The following ISM1 variants were observed in gnomAD, a reference collection of about 807,000 sequenced individuals.
The protein encoded by ISM1 is isthmin 1.
ISM1 carries 25 observed loss-of-function variants against 46.3 expected under a neutral mutation model. The ratio of observed to expected loss-of-function variants is 0.54; its 90% CI spans 0.39 to 0.75. The LOEUF (loss-of-function observed/expected upper bound fraction) is 0.75, where lower values mean the gene tolerates loss of function less well. Among genes scored for constraint, ISM1 ranks in the 30% least tolerant of loss-of-function variants. The pLI is 0.00. For synonymous variants in ISM1, 255 were observed against 256.7 expected, an observed-to-expected ratio of 0.99 and a Z score of 0.06; for missense variants, 536 against 625.4, an observed-to-expected ratio of 0.86 and a Z score of 1.52.
At chr20:13,311,715 A>C in the ISM1 span, among the ~76,000 whole-genome samples, 1 of 152,220 alleles carries the variant, frequency 6.6e-6, no homozygotes, top group Non-Finnish European at 1.5e-5. Flanking sequence ...GATCTCACTT[A>C]TATGTGGAAT....
chr20:13,322,174 C>A, the ISM1 span, among the ~76,000 whole-genome samples: 1 of 152,224 alleles, frequency 6.6e-6, no homozygotes, highest in African/African-American at 2.4e-5. Flanking sequence ...AAGCTGCAAC[C>A]TAGCCTAGAT....
chr20:13,318,853 T>C, the ISM1 span, among the ~76,000 whole-genome samples: 1 of 152,214 alleles, frequency 6.6e-6, no homozygotes, highest in East Asian at 1.9e-4. Context: ...AAAAGATCAA[T>C]GGTTGCCAGG....
chr20:13,318,394 G>A, the ISM1 span, among the ~76,000 whole-genome samples: 9 of 152,146 alleles, frequency 5.9e-5, no homozygotes, highest in East Asian at 1.9e-4. Context: ...TCAAAATGGC[G>A]TGACCACTTT....
chr20:13,232,018 T>G (rs1339244698), intron 1 of ISM1, among the ~76,000 whole-genome samples: 1 of 152,174 alleles, frequency 6.6e-6, no homozygotes, highest in Non-Finnish European at 1.5e-5. Context: ...GTTAACTTCC[T>G]CCCATAAGCA....
rs185538872 is a variant in ISM1 at position 13,246,821 on chromosome 20, T to G, written c.139-23683T>G. ...TGTAAAACCACCTGACTGAACTTGG[T>G]TTTTAATAAAGCAATTTAGAGTCAC... On this transcript the variant is annotated intron_variant, in intron 1 of 5. Transcript: ENST00000262487. 2.8e-4 allele frequency among the ~76,000 whole-genome samples: 43 copies of G among 152,348 alleles called. No homozygotes were observed. The East Asian group carries it at 6.0e-3, about 21-fold the overall frequency.
chr20:13,226,440 G>A (rs2039526058), intron 1 of ISM1, among the ~76,000 whole-genome samples: 1 of 151,960 alleles, frequency 6.6e-6, no homozygotes, highest in South Asian at 2.1e-4. Flanking sequence ...ATTGACAATT[G>A]TTTCACTTAG....
intron 3 of ISM1, among the ~76,000 whole-genome samples, chr20:13,284,382 T>G (rs2040269160): frequency 6.6e-6 from 1 of 152,172 alleles, no homozygotes; most frequent in Admixed American, 6.5e-5. Context: ...ATTTCCTCCT[T>G]GAGTTATTTG....
chr20:13,302,141 T>A (rs993279275), downstream of ISM1, among the ~76,000 whole-genome samples: 1 of 152,126 alleles, frequency 6.6e-6, no homozygotes, highest in Non-Finnish European at 1.5e-5. Context: ...TAGAGTGAAA[T>A]CTCAAAGAGA....
At chr20:13,276,193 C>G (rs1475933067) in intron 2 of ISM1, among the ~76,000 whole-genome samples, 1 of 152,178 alleles carries the variant, frequency 6.6e-6, no homozygotes, top group African/African-American at 2.4e-5. Flanking sequence ...TGGAAAATAC[C>G]TGCCCACTCC....
At chr20:13,286,598 G>A (rs1036971897) in intron 3 of ISM1, among the ~76,000 whole-genome samples, 2 of 152,202 alleles carry the variant, frequency 1.3e-5, no homozygotes, top group African/African-American at 4.8e-5. Context: ...GGGCAGATAA[G>A]ATGGGAGCAA....
intron 1 of ISM1, among the ~76,000 whole-genome samples, chr20:13,232,481 T>G (rs2039600029): frequency 6.6e-6 from 1 of 152,238 alleles, no homozygotes; most frequent in South Asian, 2.1e-4. Flanking sequence ...AATTTGTTCC[T>G]TTTTATTACC....
At chr20:13,270,165 T>C (rs2040095958) in intron 1 of ISM1, among the ~76,000 whole-genome samples, 1 of 152,240 alleles carries the variant, frequency 6.6e-6, no homozygotes, top group African/African-American at 2.4e-5. Flanking sequence ...GTTGAAGCTG[T>C]GAGAAGAGAA....
the ISM1 span, among the ~76,000 whole-genome samples, chr20:13,310,403 A>AT: frequency 1.3e-5 from 2 of 152,120 alleles, no homozygotes; most frequent in African/African-American, 4.8e-5. Flanking sequence ...CTCTTATCTC[A>AT]CCCCACATAT....
intron 1 of ISM1, among the ~76,000 whole-genome samples, chr20:13,229,238 A>G (rs146339188): frequency 0.012 from 1,863 of 152,222 alleles, 44 homozygotes; most frequent in African/African-American, 0.041. Context: ...TTCATTTTTG[A>G]CAGTTGTATA....
the ISM1 span, among the ~76,000 whole-genome samples, chr20:13,320,676 G>A: frequency 3.9e-5 from 6 of 152,150 alleles, no homozygotes; most frequent in Admixed American, 3.9e-4. Flanking sequence ...GTAAGTACAA[G>A]TTCTGGGTTT....
In ISM1 at chr20:13,299,468, G is replaced by C. The variant is rs931331874; in HGVS notation, c.*9G>C. ...AGGCCAGGGAATATTAAAGAGACTG[G>C]GATGAGGTGGAGGACGCTGCCTCTG... On this transcript the variant is annotated 3_prime_UTR_variant, in exon 6 of 6. Coordinates refer to ENST00000262487, the MANE Select transcript of ISM1 (RefSeq NM_080826.2). This position sits in a 1 kb window ranked among gnomAD's most constrained non-coding sequence, Gnocchi z 5.8. 1 of 1,584,820 alleles carries C rather than the reference G, an allele frequency of 6.3e-7. No individual in the cohort carries two copies. Among genetic ancestry groups the C allele is most frequent in the East Asian group, 2.3e-5 (1 of 44,424 alleles).
chr20:13,233,387 G>C (rs576572036), intron 1 of ISM1, among the ~76,000 whole-genome samples: 1 of 152,118 alleles, frequency 6.6e-6, no homozygotes, highest in South Asian at 2.1e-4. Context: ...CCTGAGGTCG[G>C]GAGTTCGAGA....
chr20:13,293,758 G>A (rs954089409), intron 5 of ISM1, among the ~76,000 whole-genome samples: 2 of 152,138 alleles, frequency 1.3e-5, no homozygotes, highest in Non-Finnish European at 2.9e-5. Context: ...TGGATCACCT[G>A]AGGCCAGGAG....
chr20:13,312,837 T>C, the ISM1 span, among the ~76,000 whole-genome samples: 1 of 152,146 alleles, frequency 6.6e-6, no homozygotes, highest in Non-Finnish European at 1.5e-5. Flanking sequence ...AGTAGATCCG[T>C]ATTTAAACCT....
Sources: allele counts gnomAD v4.1 joint callset (sites outside exome capture counted in the v4.1 genomes callset), GRCh38; gene constraint gnomAD v4.1.1; non-coding constraint Gnocchi (gnomAD v3.1); transcripts MANE v1.5; gene names NCBI Gene and HGNC (gene_info 2026-07-23, HGNC 2026-07-21).